The following KANK2 variants were observed in gnomAD, a reference collection of about 807,000 sequenced individuals.
KANK2 encodes KN motif and ankyrin repeat domains 2, also known as KN motif and ankyrin repeat domain-containing protein 2.
KANK2 carries 41 observed loss-of-function variants against 74.6 expected under a neutral mutation model. That is an observed-to-expected ratio of 0.55 (90% CI 0.43 to 0.71). The LOEUF (loss-of-function observed/expected upper bound fraction) is 0.71, where lower values mean the gene tolerates loss of function less well. Ranked by LOEUF, KANK2 falls within the 30% of genes least tolerant of loss-of-function variation. KANK2 has a pLI of 0.00. For synonymous variants in KANK2, 537 were observed against 519.0 expected (o/e 1.03, Z -0.47); for missense variants, 1,148 against 1,196.4 (o/e 0.96, Z 0.60).
Position 11,167,488 on chromosome 19 carries a change from C to T in KANK2, c.2503-877G>A, listed in dbSNP as rs543629469. 7.9e-5 allele frequency among the ~76,000 whole-genome samples: 12 copies of T among 151,956 alleles called. No individual in the cohort carries two copies. In the East Asian group the frequency reaches 1.7e-3, roughly 22 times the overall value. Reference sequence around the variant, plus strand: ...AAGCAATCCTCCTGCCTTAGCCTCCCGAGTAGCTGGGACTATAGGCATGCA... The same window carrying T: ...AAGCAATCCTCCTGCCTTAGCCTCCTGAGTAGCTGGGACTATAGGCATGCA... On this transcript the variant is annotated intron_variant, in intron 12 of 12. Transcript: ENST00000586659.
At chr19:11,169,712 A>T in intron 12 of KANK2, 165 bp downstream of exon 12, 1 of 620,454 alleles carries the variant, frequency 1.6e-6, no homozygotes, top group Non-Finnish European at 2.9e-6. Context: ...GAGGCAGCAG[A>T]ATGGCTTGAA....
chr19:11,176,644 G>A lies in KANK2; in HGVS notation c.1694C>T (p.Ser565Phe), dbSNP rs750946885. ...AGTGGGTATGTGCTGAGATTCTCGA[G>A]ACAGCTGACACTCCTGCCGGCTGGT... is the stretch of plus-strand genomic sequence containing the variant. Reference protein sequence around the residue: ...AKTSRQECQLSRESQHIPTAE... With the variant: ...AKTSRQECQLFRESQHIPTAE... Residue 565 changes from serine (S) to phenylalanine (F), a missense_variant, in exon 7 of 13, where the codon TCT becomes TTT. By Grantham distance (155) the Ser-to-Phe change is radical (BLOSUM62 -2). Transcript: ENST00000586659. 3.7e-6 allele frequency: 6 copies of A among 1,613,496 alleles called. No individual in the cohort carries two copies. In the South Asian group the frequency reaches 4.4e-5, roughly 12 times the overall value.
At chr19:11,188,227 G>GAGTCTC (rs918806246) in intron 4 of KANK2, among the ~76,000 whole-genome samples, 1 of 151,544 alleles carries the variant, frequency 6.6e-6, no homozygotes, top group African/African-American at 2.4e-5. Flanking sequence ...TTTTGAGACG[G>GAGTCTC]AGTCTCACTC....
In KANK2 at chr19:11,193,126, C is replaced by T; in HGVS notation, c.954G>A (p.Trp318Ter). 6.2e-7 allele frequency: 1 copy of T among 1,606,160 alleles called. No individual in the cohort carries two copies. Among genetic ancestry groups the T allele is most frequent in the Non-Finnish European group, 8.5e-7 (1 of 1,176,010 alleles). ...ARQADPQPQA[W>*]PPPDSPVRVD... ...CGCGGACCGGGCTGTCCGGCGGTGG[C>T]CAGGCCTGGGGCTGGGGGTCAGCCT... Residue 318 changes from tryptophan (W) to a stop codon, truncating the protein, a stop_gained, in exon 4 of 13, where the codon TGG becomes TGA. Coordinates refer to ENST00000586659, the MANE Select transcript of KANK2 (RefSeq NM_001136191.3). LOFTEE classifies it high-confidence loss of function. The surrounding 1 kb of genome is among the most constrained non-coding windows in gnomAD (Gnocchi z 9.6).
chr19:11,168,392 T>C (rs927445270), intron 12 of KANK2, among the ~76,000 whole-genome samples: 2 of 151,882 alleles, frequency 1.3e-5, no homozygotes, highest in South Asian at 4.2e-4. Context: ...AATTCCTGGG[T>C]TCAGGTGATC....
At chr19:11,173,863 T>TGGGAAGACAGCGTCTCCTCTATCA in intron 9 of KANK2, among the ~76,000 whole-genome samples, 1 of 151,932 alleles carries the variant, frequency 6.6e-6, no homozygotes, top group Non-Finnish European at 1.5e-5. Flanking sequence ...CTCTGCCATT[T>TGGGAAGACAGCGTCTCCTCTATCA]GACTGGGAAG....
intron 9 of KANK2, 95 bp downstream of exon 9, chr19:11,174,378 C>T (rs1349730018): frequency 1.0e-6 from 1 of 997,758 alleles, no homozygotes; most frequent in Non-Finnish European, 1.5e-6. Flanking sequence ...ATCATCTTCC[C>T]CATCAGATGG....
intron 4 of KANK2, among the ~76,000 whole-genome samples, chr19:11,188,107 A>G (rs977929592): frequency 4.6e-5 from 7 of 152,326 alleles, no homozygotes; most frequent in Non-Finnish European, 1.0e-4. Context: ...AAAAATAATA[A>G]GTAATACAAG....
chr19:11,165,257 T>G lies in KANK2; in HGVS notation c.*1301A>C, dbSNP rs2077998614. ...TGGTTTTCAGCAAAGCCCTGTCTCT[T>G]GAAGTTTGCGCTGGGAGGCCTGGGG... On this transcript the variant is annotated 3_prime_UTR_variant, in exon 13 of 13. Transcript: ENST00000586659. The G allele has an allele frequency of 6.6e-6, 1 of 152,226 alleles. No homozygotes were observed. Among genetic ancestry groups the G allele is most frequent in the South Asian group, 2.1e-4 (1 of 4,826 alleles). The allele number at this position is 152,226 out of a possible 1,614,324, so 9.4% of individuals were successfully genotyped here.
chr19:11,191,697 C>T (rs2078851611), intron 4 of KANK2, among the ~76,000 whole-genome samples: 1 of 152,162 alleles, frequency 6.6e-6, no homozygotes, highest in Non-Finnish European at 1.5e-5. Context: ...CTTTCCCTTG[C>T]CTGCCTGAAA....
At chr19:11,173,485 C>G (rs191608312) in intron 9 of KANK2, among the ~76,000 whole-genome samples, 3 of 152,294 alleles carry the variant, frequency 2.0e-5, no homozygotes, top group Admixed American at 2.0e-4. Context: ...GCTGTCTCCC[C>G]CAGTAGGAGA....
At position 11,192,940 on chromosome 19, in the gene KANK2, G is replaced by A; in HGVS notation, c.1140C>T (p.Arg380=). The change falls in exon 4 of 13, where the codon CGC becomes CGT. Residue 380 remains arginine, a synonymous_variant. Coordinates refer to ENST00000586659, the MANE Select transcript of KANK2 (RefSeq NM_001136191.3). ...PGRPESPPVF[R]SQEVVETMCP... is the part of the protein sequence containing the mutation. ...ACATTGTCTCCACCACCTCCTGGCT[G>A]CGGAACACAGGTGGGCTCTCAGGCC... 6.2e-7 allele frequency: 1 copy of A among 1,614,214 alleles called. No individual in the cohort carries two copies. The highest frequency in any genetic ancestry group is 8.5e-7 in the Non-Finnish European group (1 of 1,180,028).
intron 8 of KANK2, among the ~76,000 whole-genome samples, chr19:11,175,053 G>C (rs975056551): frequency 6.6e-6 from 1 of 151,504 alleles, no homozygotes; most frequent in Admixed American, 6.6e-5. Flanking sequence ...AACCTCCTAG[G>C]CTCAAGCTAT....
rs767224525 is a variant in KANK2, at chr19:11,173,067, C to A, written c.2125G>T (p.Ala709Ser). Reference protein sequence around the residue: ...RAGYSPIMLTALATLKTQDDI... With the variant: ...RAGYSPIMLTSLATLKTQDDI... ...TCCTGGGTCTTCAGGGTGGCCAGGG[C>A]GGTGAGCATAATAGGGCTGTAGCCA... The change falls in exon 10 of 13, where the codon GCC becomes TCC. Residue 709 changes from alanine (A) to serine (S), a missense_variant. Coordinates refer to ENST00000586659, the MANE Select transcript of KANK2 (RefSeq NM_001136191.3). 1.2e-6 allele frequency: 2 copies of A among 1,613,950 alleles called. No individual in the cohort carries two copies. The highest frequency in any genetic ancestry group is 1.3e-5 in the African/African-American group (1 of 74,902).
At chr19:11,190,881 C>T (rs2078823023) in intron 4 of KANK2, among the ~76,000 whole-genome samples, 1 of 151,848 alleles carries the variant, frequency 6.6e-6, no homozygotes, top group East Asian at 1.9e-4. Context: ...CAGGTGCCGG[C>T]CACCACGCCC....
chr19:11,186,179 A>AG (rs2078669755), intron 4 of KANK2, among the ~76,000 whole-genome samples: 1 of 151,360 alleles, frequency 6.6e-6, no homozygotes. Context: ...CCTAAGGATG[A>AG]GAGTTTGAGA....
rs192902851 is a variant in KANK2, at chr19:11,193,501, C to A, written c.579G>T (p.Ala193=). The A allele has an allele frequency of 1.2e-5, 19 of 1,609,868 alleles. No homozygotes were observed. The highest frequency in any genetic ancestry group is 1.6e-5 in the Non-Finnish European group (19 of 1,179,886). ...GHLAHVREQM[A]GALRKLRQLE... is the part of the protein sequence containing the mutation. ...GCTGCCGCAGCTTCCGCAGGGCACC[C>A]GCCATCTGCTCCCGCACGTGGGCCA... Residue 193 remains alanine, a synonymous_variant, in exon 4 of 13, where the codon GCG becomes GCT. Transcript: ENST00000586659. The surrounding 1 kb of genome is among the most constrained non-coding windows in gnomAD (Gnocchi z 9.6).
intron 4 of KANK2, among the ~76,000 whole-genome samples, chr19:11,188,904 G>T (rs1474780833): frequency 6.6e-6 from 1 of 151,520 alleles, no homozygotes; most frequent in Non-Finnish European, 1.5e-5. Flanking sequence ...AGAATCGTTT[G>T]AACCCAGGAG....
Position 11,170,392 on chromosome 19 carries a change from C to T in KANK2, c.2212-144G>A. On this transcript the variant is annotated intron_variant, in intron 10 of 12. Transcript: ENST00000586659. The surrounding 1 kb of genome is among the most constrained non-coding windows in gnomAD (Gnocchi z 5.2). ...TGATCTCCTCCTGAATCTCAAACAA[C>T]CCTCCCGTCACCAGGGGAGTAATAA... is the stretch of plus-strand genomic sequence containing the variant. The T allele has an allele frequency of 1.6e-6, 1 of 639,654 alleles. No homozygotes were observed. The highest frequency in any genetic ancestry group is 2.8e-5 in the East Asian group (1 of 36,302). 39.6% of individuals were successfully genotyped at this position (639,654 alleles called of 1,614,324 possible).
Sources: gnomAD v4.1 joint callset for allele counts (sites outside exome capture counted in the v4.1 genomes callset) on GRCh38, gnomAD v4.1.1 for gene constraint, Gnocchi (gnomAD v3.1) non-coding constraint, MANE v1.5 for transcripts, NCBI Gene and HGNC (gene_info 2026-07-23, HGNC 2026-07-21) for gene names.